The following RBM19 variants were observed in gnomAD, a reference collection of about 807,000 sequenced individuals.
RBM19 encodes the protein probable RNA-binding protein 19.
Under a neutral mutation model 116.8 loss-of-function variants are expected in RBM19, and 94 were observed. The observed-to-expected ratio is 0.80, with a 90% CI of 0.68 to 0.95. RBM19 has a LOEUF of 0.95. Among genes scored for constraint, RBM19 ranks in the 40% least tolerant of loss-of-function variants. The pLI is 0.00. For missense variants in RBM19, 1,161 were observed against 1,220.7 expected, an observed-to-expected ratio of 0.95 and a Z score of 0.73; for synonymous variants, 475 against 494.1, an observed-to-expected ratio of 0.96 and a Z score of 0.51.
intron 11 of RBM19, 32 bp downstream of exon 11, chr12:113,947,302 A>G (rs568521578): frequency 1.3e-6 from 2 of 1,557,328 alleles, no homozygotes; most frequent in South Asian, 2.4e-5. Flanking sequence ...TGAGCCCCAC[A>G]GCCTCCTGGC....
chr12:113,876,991 A>G (rs1291772869), intron 21 of RBM19, among the ~76,000 whole-genome samples: 1 of 152,272 alleles, frequency 6.6e-6, no homozygotes, highest in East Asian at 1.9e-4. Context: ...ACATGAGGAA[A>G]GGGAAGGTGC....
chr12:113,906,142 C>A (rs1400326640), intron 21 of RBM19, among the ~76,000 whole-genome samples: 1 of 152,364 alleles, frequency 6.6e-6, no homozygotes, highest in Non-Finnish European at 1.5e-5. Context: ...TACAGGGACA[C>A]ATGCATGTGG....
intron 22 of RBM19, among the ~76,000 whole-genome samples, chr12:113,857,728 C>T (rs115976034): frequency 0.029 from 4,478 of 152,330 alleles, 200 homozygotes; most frequent in African/African-American, 0.1. Flanking sequence ...GGTCCCCATG[C>T]GCCTTCTCTG....
chr12:113,913,606 T>C (rs1882587105), intron 21 of RBM19, among the ~76,000 whole-genome samples: 1 of 152,228 alleles, frequency 6.6e-6, no homozygotes. Flanking sequence ...TGACTTCTTA[T>C]TCTTCAAACT....
At chr12:113,828,163 C>T (rs1000205663) in intron 23 of RBM19, among the ~76,000 whole-genome samples, 4 of 150,164 alleles carry the variant, frequency 2.7e-5, no homozygotes, top group Non-Finnish European at 5.9e-5. Context: ...TGTGGGCCCA[C>T]AGAAGAGTGT....
intron 23 of RBM19, among the ~76,000 whole-genome samples, chr12:113,824,877 C>T (rs1874725017): frequency 6.6e-6 from 1 of 152,070 alleles, no homozygotes; most frequent in Admixed American, 6.5e-5. Flanking sequence ...CCAAGGGATC[C>T]CTCTAAAACA....
At position 113,940,011 on chromosome 12, in the gene RBM19, G is replaced by A. The variant is rs1472040456; in HGVS notation, c.1887C>T (p.Phe629=). 1.9e-6 allele frequency: 3 copies of A among 1,613,988 alleles called. No homozygotes were observed. The highest frequency in any genetic ancestry group is 1.7e-6 in the Non-Finnish European group (2 of 1,180,022). The part of the protein sequence containing the change: ...PEGGITAIVE[F]LEPLEARKAF... ...CCTTGCGGGCCTCCAGGGGCTCCAG[G>A]AACTCCACGATGGCAGTGATTCCGC... Residue 629 remains phenylalanine, a synonymous_variant, in exon 15 of 24, where the codon TTC becomes TTT. Coordinates refer to ENST00000261741, the MANE Select transcript of RBM19 (RefSeq NM_016196.4).
intron 22 of RBM19, among the ~76,000 whole-genome samples, chr12:113,858,322 C>T (rs895606616): frequency 6.6e-6 from 1 of 152,238 alleles, no homozygotes; most frequent in South Asian, 2.1e-4. Flanking sequence ...ATAACCAGCA[C>T]AAAACAGAAG....
intron 6 of RBM19, 152 bp downstream of exon 6, chr12:113,957,630 G>C: frequency 8.3e-7 from 1 of 1,208,116 alleles, no homozygotes; most frequent in Non-Finnish European, 1.1e-6. Context: ...AACACACGGC[G>C]AGCAAGCGGC....
chr12:113,966,105 C>G, intron 1 of RBM19, 87 bp downstream of exon 1: 1 of 1,565,462 alleles, frequency 6.4e-7, no homozygotes, highest in Admixed American at 1.7e-5. Context: ...AGCAAAAATT[C>G]TTCGATCACC....
At position 113,933,471 on chromosome 12, in the gene RBM19, G is replaced by C. The variant is rs73210914; in HGVS notation, c.2068+3536C>G. The stretch of plus-strand genomic sequence containing the variant: ...AGCTCTGTGGGAATTCACCGATGAC[G>C]CGGGACACAGCGGGGCTTGGAATTA... On this transcript the variant is annotated intron_variant, in intron 16 of 23. Transcript: ENST00000261741. Among the ~76,000 whole-genome samples the C allele has an allele frequency of 5.2e-3, 788 of 152,282 alleles. 6 individuals carry two copies. The highest frequency in any genetic ancestry group is 7.0e-3 in the Non-Finnish European group (473 of 68,012).
At chr12:113,818,837 C>T (rs192444835), downstream of RBM19, among the ~76,000 whole-genome samples, 61 of 152,340 alleles carry the variant, frequency 4.0e-4, 1 homozygote, top group African/African-American at 1.3e-3. Flanking sequence ...GCCCCACTGT[C>T]CCTCACCCCT....
At chr12:113,891,335 A>T (rs1880950477) in intron 21 of RBM19, among the ~76,000 whole-genome samples, 1 of 152,228 alleles carries the variant, frequency 6.6e-6, no homozygotes, top group Non-Finnish European at 1.5e-5. Context: ...AGTCAACATT[A>T]GCACAACTTG....
chr12:113,930,255 C>G (rs2135885356), intron 16 of RBM19, among the ~76,000 whole-genome samples: 1 of 152,342 alleles, frequency 6.6e-6, no homozygotes, highest in East Asian at 1.9e-4. Context: ...CAGCCAGTGC[C>G]CGGCGTGGCA....
intron 23 of RBM19, among the ~76,000 whole-genome samples, chr12:113,831,960 C>T (rs1423855949): frequency 6.6e-6 from 1 of 152,158 alleles, no homozygotes; most frequent in Non-Finnish European, 1.5e-5. Flanking sequence ...GCATGGCCAG[C>T]CATGTGCACC....
At chr12:113,819,911 A>C (rs532140606), downstream of RBM19, among the ~76,000 whole-genome samples, 13 of 152,372 alleles carry the variant, frequency 8.5e-5, no homozygotes, top group South Asian at 2.7e-3. Flanking sequence ...TGTAACAAAA[A>C]TCTTAATTGC....
At chr12:113,844,636 T>C (rs184761804) in intron 23 of RBM19, 32 bp downstream of exon 23, 1 of 1,589,104 alleles carries the variant, frequency 6.3e-7, no homozygotes, top group Admixed American at 1.7e-5. Flanking sequence ...AGGGGGCCCA[T>C]GAGTCAGCCC....
At chr12:113,904,907 C>T (rs1035672617) in intron 21 of RBM19, among the ~76,000 whole-genome samples, 1 of 152,160 alleles carries the variant, frequency 6.6e-6, no homozygotes, top group Non-Finnish European at 1.5e-5. Flanking sequence ...ATATAGGTGT[C>T]ATCTGCAATC....
intron 21 of RBM19, among the ~76,000 whole-genome samples, chr12:113,879,526 T>G (rs58137695): frequency 2.6e-5 from 4 of 150,962 alleles, no homozygotes; most frequent in African/African-American, 7.3e-5. Context: ...CAGGGCTGGA[T>G]GACTTGCCCA....
Sources: allele counts gnomAD v4.1 joint callset (sites outside exome capture counted in the v4.1 genomes callset), GRCh38; gene constraint gnomAD v4.1.1; transcripts MANE v1.5; gene names NCBI Gene and HGNC (gene_info 2026-07-23, HGNC 2026-07-21).